The following RIC1 variants were observed in gnomAD, a reference collection of about 807,000 sequenced individuals.
The protein encoded by RIC1 is RIC1 partner of RAB6A GEF complex, also known as guanine nucleotide exchange factor subunit RIC1.
A neutral mutation model predicts 169.0 loss-of-function variants in RIC1; 88 were observed. The ratio of observed to expected loss-of-function variants is 0.52; its 90% CI spans 0.44 to 0.62. The LOEUF (loss-of-function observed/expected upper bound fraction) is 0.62, where lower values mean the gene tolerates loss of function less well. Ranked by LOEUF, RIC1 falls within the 20% of genes least tolerant of loss-of-function variation. The probability of loss-of-function intolerance (pLI) is 0.00; values close to 1 mark genes in which losing one functional copy is unlikely to be tolerated. For missense variants in RIC1, 1,877 were observed against 1,725.5 expected, an observed-to-expected ratio of 1.09 and a Z score of -1.56; for synonymous variants, 790 against 601.5, an observed-to-expected ratio of 1.31 and a Z score of -4.59.
chr9:5,756,942 A>C (rs1270824308), intron 16 of RIC1, among the ~76,000 whole-genome samples: 6 of 152,198 alleles, frequency 3.9e-5, no homozygotes, highest in African/African-American at 1.4e-4. Flanking sequence ...TATTTACTGA[A>C]ACAGCACAGT....
chr9:5,641,485 C>T (rs939061185), intron 1 of RIC1, among the ~76,000 whole-genome samples: 1 of 152,148 alleles, frequency 6.6e-6, no homozygotes, highest in Non-Finnish European at 1.5e-5. Context: ...TTGGGAAGTT[C>T]TCTCTTATCC....
At position 5,762,555 on chromosome 9, in the gene RIC1, G is replaced by A; in HGVS notation, c.2007G>A (p.Glu669=). ...LKMPQQARGA[E]SIMLNLAGQL... The stretch of plus-strand genomic sequence containing the variant: ...TTAAATTTCAGGCTCGTGGTGCAGA[G>A]AGCATTATGTTAAACCTGGCAGGAC... The change falls in exon 18 of 26, where the codon GAG becomes GAA. Residue 669 remains glutamate (E), a synonymous_variant. Transcript: ENST00000414202. 6.2e-7 allele frequency: 1 copy of A among 1,613,944 alleles called. No homozygotes were observed. Among genetic ancestry groups the A allele is most frequent in the Non-Finnish European group, 8.5e-7 (1 of 1,179,908 alleles).
rs1190652445 is a variant in RIC1 at position 5,720,318 on chromosome 9, T to C, written c.577T>C (p.Ser193Pro). The C allele has an allele frequency of 6.2e-7, 1 of 1,611,908 alleles. No homozygotes were observed. ...TVPFSVDLQS[S>P]RVGSFLGFTD... The stretch of plus-strand genomic sequence containing the variant: ...ACCCTTTTCAGTAGACCTGCAGTCA[T>C]CTAGAGGTAGCTATACTTTCTACAT... The change falls in exon 5 of 26, where the codon TCT becomes CCT. Residue 193 changes from serine to proline, a missense_variant. By Grantham distance (74) the Ser-to-Pro change is moderately conservative. Coordinates refer to ENST00000414202, the MANE Select transcript of RIC1 (RefSeq NM_020829.4).
At chr9:5,632,793 G>T (rs1359337270) in intron 1 of RIC1, among the ~76,000 whole-genome samples, 1 of 152,066 alleles carries the variant, frequency 6.6e-6, no homozygotes, top group Non-Finnish European at 1.5e-5. Context: ...TGTACTGAGG[G>T]CCCAGAATTA....
Position 5,718,679 on chromosome 9 carries a change from C to T in RIC1, c.441-1503C>T, listed in dbSNP as rs1401919188. 1.3e-5 allele frequency among the ~76,000 whole-genome samples: 2 copies of T among 152,092 alleles called. 1 individual carries two copies. ...TAAAACATAAACTTTTTATACTCTA[C>T]CCACCAAATGATACACATAGATTTT... On this transcript the variant is annotated intron_variant, in intron 4 of 25. Coordinates refer to ENST00000414202, the MANE Select transcript of RIC1 (RefSeq NM_020829.4).
intron 1 of RIC1, among the ~76,000 whole-genome samples, chr9:5,653,812 G>C (rs1818938307): frequency 6.6e-6 from 1 of 151,916 alleles, no homozygotes. Flanking sequence ...TGGCCAGGTT[G>C]GTCTCAAACT....
At chr9:5,668,882 C>G (rs1251436544) in intron 2 of RIC1, among the ~76,000 whole-genome samples, 4 of 152,050 alleles carry the variant, frequency 2.6e-5, no homozygotes, top group African/African-American at 9.7e-5. Flanking sequence ...ATTCAAATGT[C>G]TGGGCTTCCT....
chr9:5,731,591 A>G (rs1286112769), intron 6 of RIC1, among the ~76,000 whole-genome samples: 1 of 152,172 alleles, frequency 6.6e-6, no homozygotes, highest in Non-Finnish European at 1.5e-5. Context: ...CTTGGAATTT[A>G]TCATCTAAAA....
chr9:5,629,938 A>G (rs1013077270), intron 1 of RIC1, among the ~76,000 whole-genome samples: 1 of 152,240 alleles, frequency 6.6e-6, no homozygotes, highest in Non-Finnish European at 1.5e-5. Flanking sequence ...ACTTATTTCT[A>G]CAAACTACAG....
intron 2 of RIC1, among the ~76,000 whole-genome samples, chr9:5,681,907 A>T (rs1820866763): frequency 6.6e-6 from 1 of 152,156 alleles, no homozygotes; most frequent in Non-Finnish European, 1.5e-5. Flanking sequence ...CTTTACCATT[A>T]TGTAATGGCC....
intron 23 of RIC1, among the ~76,000 whole-genome samples, chr9:5,770,634 A>T (rs1827147021): frequency 6.6e-6 from 1 of 152,202 alleles, no homozygotes; most frequent in Admixed American, 6.5e-5. Flanking sequence ...AACAAATTTT[A>T]CTGCATTATC....
At chr9:5,741,905 T>G (rs1402842735) in intron 8 of RIC1, among the ~76,000 whole-genome samples, 3 of 152,138 alleles carry the variant, frequency 2.0e-5, no homozygotes, top group Non-Finnish European at 4.4e-5. Flanking sequence ...TGGATAACAT[T>G]TGAGTTTTTC....
At chr9:5,656,790 C>CTA in intron 2 of RIC1, 100 bp downstream of exon 2, 1 of 676,734 alleles carries the variant, frequency 1.5e-6, no homozygotes, top group Non-Finnish European at 2.6e-6. Flanking sequence ...CTTTTGCACT[C>CTA]ATAAGTATTT....
chr9:5,703,598 T>C (rs1822372120), intron 3 of RIC1, among the ~76,000 whole-genome samples: 1 of 152,268 alleles, frequency 6.6e-6, no homozygotes, highest in African/African-American at 2.4e-5. Context: ...TTGTGTCTTA[T>C]TTAATTGCTG....
intron 17 of RIC1, among the ~76,000 whole-genome samples, chr9:5,759,675 TG>T (rs1175194790): frequency 6.6e-6 from 1 of 152,194 alleles, no homozygotes; most frequent in Non-Finnish European, 1.5e-5. Flanking sequence ...ATACTAGCAT[TG>T]TAGCTATGTT....
At chr9:5,709,443 C>G (rs1372036700) in intron 3 of RIC1, among the ~76,000 whole-genome samples, 3 of 152,264 alleles carry the variant, frequency 2.0e-5, no homozygotes, top group Middle Eastern at 6.8e-3. Context: ...GCTTTGTGAT[C>G]AAGAGCAAAG....
At chr9:5,738,960 C>T (rs1006772353) in intron 8 of RIC1, among the ~76,000 whole-genome samples, 4 of 152,094 alleles carry the variant, frequency 2.6e-5, no homozygotes, top group Admixed American at 1.3e-4. Context: ...CTGCTACCTC[C>T]GGATCCAGTT....
Position 5,656,669 on chromosome 9 carries a change from T to C in RIC1, c.231T>C (p.Asp77=). The part of the protein sequence containing the change: ...GSYKQAEWRP[D]STMIAVSTAN... ...ACAAGCAAGCTGAATGGAGGCCAGA[T>C]AGTACCATGATAGCTGTATCAGTAA... Residue 77 remains aspartate, a synonymous_variant, in exon 2 of 26, where the codon GAT becomes GAC. Coordinates refer to ENST00000414202, the MANE Select transcript of RIC1 (RefSeq NM_020829.4). 1.2e-6 allele frequency: 2 copies of C among 1,603,646 alleles called. No individual in the cohort carries two copies. The highest frequency in any genetic ancestry group is 1.7e-6 in the Non-Finnish European group (2 of 1,172,284).
At chr9:5,704,454 C>T (rs1387059832) in intron 3 of RIC1, among the ~76,000 whole-genome samples, 1 of 152,124 alleles carries the variant, frequency 6.6e-6, no homozygotes, top group Non-Finnish European at 1.5e-5. Flanking sequence ...TCAAGCAATC[C>T]TCCTGTCTTG....
Sources: gnomAD v4.1 joint callset for allele counts (sites outside exome capture counted in the v4.1 genomes callset) on GRCh38, gnomAD v4.1.1 for gene constraint, MANE v1.5 for transcripts, NCBI Gene and HGNC (gene_info 2026-07-23, HGNC 2026-07-21) for gene names.